Variants in CFAP47 observed in about 807,000 individuals in gnomAD.
The protein encoded by CFAP47 is cilia- and flagella-associated protein 47.
A neutral mutation model predicts 148.1 loss-of-function variants in CFAP47; 29 were observed. The ratio of observed to expected loss-of-function variants is 0.20; its 90% CI spans 0.15 to 0.27. CFAP47 has a LOEUF of 0.27. Ranked by LOEUF, CFAP47 falls within the 10% of genes least tolerant of loss-of-function variation. The pLI, the probability that CFAP47 is intolerant of heterozygous loss-of-function variation, is 1.00. For missense variants in CFAP47, 1,872 were observed against 1,697.5 expected (o/e 1.10, Z -1.81); for synonymous variants, 664 against 577.3 (o/e 1.15, Z -2.15).
intron 48 of CFAP47, among the ~76,000 whole-genome samples, chrX:36,246,957 A>T (rs1456500763): frequency 9.0e-6 from 1 of 111,357 alleles, no homozygotes; most frequent in Non-Finnish European, 1.9e-5. Context: ...TCACTCTACC[A>T]AAAAGACACA....
chrX:36,303,885 G>A lies in CFAP47; in HGVS notation c.8007G>A (p.Thr2669=), dbSNP rs781828253. The change falls in exon 54 of 64, where the codon ACG becomes ACA. Residue 2669 remains threonine, a synonymous_variant. Coordinates refer to ENST00000378653, the MANE Select transcript of CFAP47 (RefSeq NM_001304548.2). ...AGATCATTCCTTTAGTTAATTGTACGCATGAAACCTTAAAATTGCAAGTAA... is the reference window on the plus strand; with the variant it reads ...AGATCATTCCTTTAGTTAATTGTACACATGAAACCTTAAAATTGCAAGTAA... ...VTQIIPLVNC[T]HETLKLQVTN... 3 of 1,138,123 alleles carry A rather than the reference G, an allele frequency of 2.6e-6. No homozygotes were observed. The highest frequency in any genetic ancestry group is 2.4e-4 in the Middle Eastern group (1 of 4,211). 93.8% of individuals were successfully genotyped at this position (1,138,123 alleles called of 1,213,427 possible).
In CFAP47 at chrX:36,251,329, A is replaced by G; in HGVS notation, c.7333-4A>G. ...AATTCTTGTTTCTGAATTATCTCTT[A>G]TAGGTAACTGCAGATCTTCCAATAG... On this transcript the variant is annotated splice_polypyrimidine_tract_variant and splice_region_variant and intron_variant, in intron 48 of 63. Transcript: ENST00000378653. The G allele has an allele frequency of 2.0e-6, 1 of 497,246 alleles. No individual in the cohort carries two copies. Among genetic ancestry groups the G allele is most frequent in the Non-Finnish European group, 3.6e-6 (1 of 279,094 alleles). 41.0% of individuals were successfully genotyped at this position (497,246 alleles called of 1,213,427 possible). A position where few individuals can be genotyped will look rare whatever the true frequency, so the allele number is the denominator to read the frequency against.
intron 57 of CFAP47, among the ~76,000 whole-genome samples, chrX:36,334,590 A>G (rs1303182037): frequency 6.4e-5 from 7 of 109,932 alleles, no homozygotes; most frequent in African/African-American, 2.0e-4. Flanking sequence ...AGAGTTGAGT[A>G]CTCCGATTCC....
chrX:36,254,619 A>T (rs1555998707), intron 49 of CFAP47, among the ~76,000 whole-genome samples: 2 of 111,374 alleles, frequency 1.8e-5, no homozygotes, highest in African/African-American at 6.5e-5. Flanking sequence ...CTAAGGCAAG[A>T]GTTTAATTGC....
chrX:36,171,167 G>T (rs1265028924), intron 39 of CFAP47, among the ~76,000 whole-genome samples: 1 of 106,795 alleles, frequency 9.4e-6, no homozygotes, highest in East Asian at 3.0e-4. Context: ...TTGTAAATTT[G>T]TTTGAGTTCA....
chrX:35,996,151 A>G (rs1289372664), intron 18 of CFAP47, among the ~76,000 whole-genome samples: 1 of 111,098 alleles, frequency 9.0e-6, no homozygotes, highest in Non-Finnish European at 1.9e-5. Context: ...GGAGTTTTGG[A>G]TGAATAAGGA....
chrX:36,369,202 G>T (rs1303080065), intron 62 of CFAP47, among the ~76,000 whole-genome samples: 1 of 110,640 alleles, frequency 9.0e-6, no homozygotes, highest in African/African-American at 3.3e-5. Context: ...AAATGCAGTT[G>T]TCAGAAATTC....
intron 41 of CFAP47, among the ~76,000 whole-genome samples, chrX:36,188,891 T>C (rs1293234522): frequency 1.8e-5 from 2 of 111,094 alleles, no homozygotes; most frequent in African/African-American, 6.5e-5. Flanking sequence ...TCTGCACACA[T>C]CTCTCCTTTC....
intron 21 of CFAP47, among the ~76,000 whole-genome samples, chrX:36,006,222 A>G (rs1936980817): frequency 9.0e-6 from 1 of 110,958 alleles, no homozygotes; most frequent in Non-Finnish European, 1.9e-5. Flanking sequence ...AGTATTTCTT[A>G]ATGTTTAGGA....
At chrX:35,925,414 G>T (rs73466937) in intron 1 of CFAP47, among the ~76,000 whole-genome samples, 4,336 of 110,898 alleles carry the variant, frequency 0.039, 205 homozygotes, top group African/African-American at 0.13. Context: ...ATTGCTAAAA[G>T]AATGGATTTT....
rs1451787630 is a variant in CFAP47, at chrX:36,068,017, A to C, written c.4318+2274A>C. ...CCCAGGTATAAAATCTTTCCATAGAATATCATTGCTAGGTGGATGAAGCCT... is the reference window on the plus strand; with the variant it reads ...CCCAGGTATAAAATCTTTCCATAGACTATCATTGCTAGGTGGATGAAGCCT... On this transcript the variant is annotated intron_variant, in intron 27 of 63. Coordinates refer to ENST00000378653, the MANE Select transcript of CFAP47 (RefSeq NM_001304548.2). Among the ~76,000 whole-genome samples the C allele has an allele frequency of 4.5e-5, 5 of 111,869 alleles. No individual in the cohort carries two copies. In the East Asian group the frequency reaches 1.4e-3, roughly 32 times the overall value.
chrX:36,334,811 A>C (rs1422397458), intron 57 of CFAP47, among the ~76,000 whole-genome samples: 2 of 110,405 alleles, frequency 1.8e-5, no homozygotes, highest in East Asian at 5.7e-4. Flanking sequence ...CTGTTTTCCT[A>C]TCTCACATCC....
Position 35,989,441 on chromosome X carries a change from G to A in CFAP47, c.2836G>A (p.Val946Ile). The change falls in exon 16 of 64, where the codon GTT becomes ATT. Residue 946 changes from valine (V) to isoleucine (I), a missense_variant. Coordinates refer to ENST00000378653, the MANE Select transcript of CFAP47 (RefSeq NM_001304548.2). ...FQGNALKLKC[V>I]AHLGRTKVLL... Reference sequence around the variant, plus strand: ...AGGAAACGCGTTGAAGCTAAAATGTGTTGCACATGTAATTATTTTCCTTGA... The same window carrying A: ...AGGAAACGCGTTGAAGCTAAAATGTATTGCACATGTAATTATTTTCCTTGA... 1 of 1,210,988 alleles carries A rather than the reference G, an allele frequency of 8.3e-7. No individual in the cohort carries two copies. Among genetic ancestry groups the A allele is most frequent in the Admixed American group, 2.2e-5 (1 of 45,967 alleles).
At chrX:36,151,990 A>G (rs10482308) in intron 37 of CFAP47, among the ~76,000 whole-genome samples, 11,609 of 109,877 alleles carry the variant, frequency 0.11, 1,222 homozygotes, top group African/African-American at 0.32. Flanking sequence ...GATCAAGGCA[A>G]CTCTATGGGG....
intron 56 of CFAP47, among the ~76,000 whole-genome samples, chrX:36,314,708 A>G (rs1282595191): frequency 2.7e-5 from 3 of 111,490 alleles, no homozygotes; most frequent in African/African-American, 9.8e-5. Context: ...CTATTTATCT[A>G]TCTATCATCT....
intron 24 of CFAP47, among the ~76,000 whole-genome samples, chrX:36,037,361 T>C (rs1036192796): frequency 9.0e-6 from 1 of 110,701 alleles, no homozygotes; most frequent in Non-Finnish European, 1.9e-5. Flanking sequence ...TTGTTGTTGT[T>C]GTTGTTGTTG....
chrX:36,318,577 T>C (rs1698402564), intron 56 of CFAP47, among the ~76,000 whole-genome samples: 1 of 111,911 alleles, frequency 8.9e-6, no homozygotes, highest in South Asian at 3.7e-4. Flanking sequence ...TAAATAGTTG[T>C]CATAGTGTAT....
intron 42 of CFAP47, among the ~76,000 whole-genome samples, chrX:36,195,901 T>G (rs1162327352): frequency 8.9e-6 from 1 of 111,834 alleles, no homozygotes; most frequent in Non-Finnish European, 1.9e-5. Flanking sequence ...TTCTAAAGTC[T>G]AAGGACAGCT....
chrX:35,972,926 A>G (rs1214084032), intron 13 of CFAP47, among the ~76,000 whole-genome samples: 1 of 111,634 alleles, frequency 9.0e-6, no homozygotes, highest in African/African-American at 3.3e-5. Flanking sequence ...AATGTTTTCC[A>G]AAGTGATTGC....
Sources: gnomAD v4.1 joint callset for allele counts (sites outside exome capture counted in the v4.1 genomes callset) on GRCh38, gnomAD v4.1.1 for gene constraint, MANE v1.5 for transcripts, NCBI Gene and HGNC (gene_info 2026-07-23, HGNC 2026-07-21) for gene names.